Variants in ARHGEF3 observed in about 807,000 individuals in gnomAD.
ARHGEF3 encodes Rho guanine nucleotide exchange factor 3, also known as 59.8 kDA protein.
Under a neutral mutation model 63.2 loss-of-function variants are expected in ARHGEF3, and 28 were observed. That is an observed-to-expected ratio of 0.44 (90% confidence interval 0.33 to 0.61). The LOEUF (loss-of-function observed/expected upper bound fraction) is 0.61, where lower values mean the gene tolerates loss of function less well. ARHGEF3 is among the 20% of genes least tolerant of loss of function. ARHGEF3 has a pLI of 0.03. For synonymous variants in ARHGEF3, 266 were observed against 254.2 expected (o/e 1.05, Z -0.44); for missense variants, 533 against 659.3 (o/e 0.81, Z 2.10).
chr3:56,882,097 G>A (rs2040785265), intron 4 of ARHGEF3, among the ~76,000 whole-genome samples: 2 of 152,192 alleles, frequency 1.3e-5, no homozygotes, highest in South Asian at 4.1e-4. Context: ...ACTTAGCTTG[G>A]AAGTTTAAGT....
At chr3:57,066,007 G>A (rs960165128) in intron 1 of ARHGEF3, among the ~76,000 whole-genome samples, 1 of 151,750 alleles carries the variant, frequency 6.6e-6, no homozygotes, top group Admixed American at 6.6e-5. Context: ...CTTGAGGCCA[G>A]GAGGGCAACA....
chr3:56,799,662 G>A (rs2037542361), intron 1 of ARHGEF3, among the ~76,000 whole-genome samples: 1 of 152,170 alleles, frequency 6.6e-6, no homozygotes, highest in Non-Finnish European at 1.5e-5. Flanking sequence ...AACTGCTTAT[G>A]GAGAAGCTAG....
chr3:56,935,056 G>A (rs893493386), intron 3 of ARHGEF3, among the ~76,000 whole-genome samples: 7 of 152,172 alleles, frequency 4.6e-5, no homozygotes, highest in Non-Finnish European at 1.0e-4. Flanking sequence ...AGCTGCTCTG[G>A]TGGAGCCTTG....
chr3:56,973,163 C>A (rs938260093), intron 2 of ARHGEF3, among the ~76,000 whole-genome samples: 1 of 151,964 alleles, frequency 6.6e-6, no homozygotes, highest in Admixed American at 6.6e-5. Context: ...ACTACAGGCA[C>A]CCGCCACCAC....
chr3:57,055,201 G>A (rs1029636307), intron 1 of ARHGEF3, among the ~76,000 whole-genome samples: 6 of 127,440 alleles, frequency 4.7e-5, no homozygotes, highest in African/African-American at 1.9e-4. Flanking sequence ...CAACTCTGTT[G>A]CCCAGACTGG....
At chr3:57,059,760 G>T (rs577601326) in intron 1 of ARHGEF3, among the ~76,000 whole-genome samples, 75 of 152,258 alleles carry the variant, frequency 4.9e-4, no homozygotes, top group African/African-American at 1.8e-3. Context: ...ACTTTGGGAG[G>T]CCAAGTTGGG....
intron 2 of ARHGEF3, among the ~76,000 whole-genome samples, chr3:56,980,246 T>C (rs887854848): frequency 1.3e-5 from 2 of 152,256 alleles, no homozygotes; most frequent in South Asian, 4.1e-4. Context: ...CCTTAATGCA[T>C]GCTTTTAAAG....
chr3:56,754,579 C>G (rs759335877), intron 3 of ARHGEF3, among the ~76,000 whole-genome samples: 4 of 152,186 alleles, frequency 2.6e-5, no homozygotes, highest in African/African-American at 9.7e-5. Context: ...ATACAGAAAA[C>G]TTACCGGGAA....
chr3:57,036,026 G>T (rs1204214212), intron 1 of ARHGEF3, among the ~76,000 whole-genome samples: 1 of 152,200 alleles, frequency 6.6e-6, no homozygotes, highest in African/African-American at 2.4e-5. Flanking sequence ...CCCTTCTGCA[G>T]GTGGGTTTGG....
At chr3:56,992,017 C>CCTCTCTCT (rs569120713) in intron 2 of ARHGEF3, among the ~76,000 whole-genome samples, 103 of 130,816 alleles carry the variant, frequency 7.9e-4, no homozygotes, top group African/African-American at 3.2e-3. Context: ...TCTCTCCCCT[C>CCTCTCTCT]CTCTCTCTGT....
At position 56,994,064 on chromosome 3, in the gene ARHGEF3, CA is replaced by C. The variant is rs60299557; in HGVS notation, c.63-35176del. On this transcript the variant is annotated intron_variant, in intron 2 of 12. Coordinates refer to the ARHGEF3 transcript ENST00000338458. The stretch of plus-strand genomic sequence containing the variant: ...GGGCGACAAGAGTGAAACTTCGTCT[CA>C]AAAAAAAAAAAAAAAAAAAAGCACA... Among the ~76,000 whole-genome samples the C allele has an allele frequency of 9.5e-3, 566 of 59,682 alleles. 10 individuals carry two copies. The highest frequency in any genetic ancestry group is 0.036 in the African/African-American group (532 of 14,936). 39.2% of individuals were successfully genotyped at this position (59,682 alleles called of 152,430 possible). A position where few individuals can be genotyped will look rare whatever the true frequency, so the allele number is the denominator to read the frequency against.
chr3:56,849,666 TA>T (rs35120387), intron 4 of ARHGEF3, among the ~76,000 whole-genome samples: 133,737 of 149,974 alleles, frequency 0.89, 59,733 homozygotes, highest in South Asian at 0.94. Context: ...CATCTCTGAG[TA>T]AAAAAAAAAA....
At chr3:56,961,878 G>A (rs11708361) in intron 2 of ARHGEF3, among the ~76,000 whole-genome samples, 17,528 of 152,006 alleles carry the variant, frequency 0.12, 1,258 homozygotes, top group East Asian at 0.25. Context: ...CACCATCTCC[G>A]CTAAAAATAA....
intron 1 of ARHGEF3, among the ~76,000 whole-genome samples, chr3:57,055,704 C>G (rs1002885071): frequency 1.3e-5 from 2 of 152,128 alleles, no homozygotes; most frequent in African/African-American, 2.4e-5. Context: ...TCTGTTACCT[C>G]CAGAGGAAGG....
Position 56,754,972 on chromosome 3 carries a change from C to CG in ARHGEF3, c.375+8dup, listed in dbSNP as rs767640124. On this transcript the variant is annotated intron_variant, in intron 3 of 9. Transcript: ENST00000296315. ...GACACACAGCCAGCTCCATGGGCCC[C>CG]GAGCCTACCTCCTGACGTTTGATTT... 11 of 1,614,146 alleles carry CG rather than the reference C, an allele frequency of 6.8e-6. No individual in the cohort carries two copies. In the South Asian group the frequency reaches 1.1e-4, roughly 16 times the overall value.
chr3:57,043,490 TAAA>T lies in ARHGEF3; in HGVS notation c.-27-8317_-27-8315del, dbSNP rs10709339. ...AGTATTACTAAAATTGTTTCAAAGT[TAAA>T]AAAAAAAAAAAAACCCTGAGCATTA... On this transcript the variant is annotated intron_variant, in intron 1 of 12. Coordinates refer to the ARHGEF3 transcript ENST00000338458. Among the ~76,000 whole-genome samples, 369 of 145,942 alleles carry T rather than the reference TAAA, an allele frequency of 2.5e-3. 1 individual carries two copies. The highest frequency in any genetic ancestry group is 7.9e-3 in the African/African-American group (310 of 39,422).
chr3:56,917,941 C>T (rs559650617), intron 3 of ARHGEF3, among the ~76,000 whole-genome samples: 2 of 152,284 alleles, frequency 1.3e-5, no homozygotes, highest in South Asian at 2.1e-4. Flanking sequence ...TGGAAGCACT[C>T]GGTAATGAGT....
chr3:56,947,992 C>G (rs1429780328), intron 3 of ARHGEF3, among the ~76,000 whole-genome samples: 2 of 152,188 alleles, frequency 1.3e-5, no homozygotes, highest in Non-Finnish European at 2.9e-5. Flanking sequence ...AACCGCTCAA[C>G]TACATGGAAA....
intron 4 of ARHGEF3, among the ~76,000 whole-genome samples, chr3:56,847,703 G>A (rs765458004): frequency 7.5e-4 from 114 of 152,202 alleles, no homozygotes; most frequent in Non-Finnish European, 1.3e-3. Flanking sequence ...TCGGCCTCCC[G>A]AGTAACTAGG....
Sources: allele counts gnomAD v4.1 joint callset (sites outside exome capture counted in the v4.1 genomes callset), GRCh38; gene constraint gnomAD v4.1.1; transcripts MANE v1.5; gene names NCBI Gene and HGNC (gene_info 2026-07-23, HGNC 2026-07-21).